Variants in USP8 observed in about 807,000 individuals in gnomAD.
USP8 encodes ubiquitin specific peptidase 8.
In USP8, 27 loss-of-function variants were observed where a neutral mutation model predicts 130.0. That is an observed-to-expected ratio of 0.21 (90% confidence interval 0.15 to 0.29). The LOEUF is 0.29. Ranked by LOEUF, USP8 falls within the 10% of genes least tolerant of loss-of-function variation. The pLI, the probability that USP8 is intolerant of heterozygous loss-of-function variation, is 1.00. For missense variants in USP8, 1,029 were observed against 1,312.2 expected, an observed-to-expected ratio of 0.78 and a Z score of 3.33; for synonymous variants, 392 against 444.1, an observed-to-expected ratio of 0.88 and a Z score of 1.48.
intron 10 of USP8, among the ~76,000 whole-genome samples, chr15:50,478,442 A>G (rs1278243212): frequency 6.6e-6 from 1 of 152,070 alleles, no homozygotes; most frequent in Non-Finnish European, 1.5e-5. Context: ...ACAGTATTTC[A>G]CATTTAAAGT....
rs141987890 is a variant in USP8, at chr15:50,476,404, T to G, written c.850-445T>G. Among the ~76,000 whole-genome samples the G allele has an allele frequency of 3.5e-3, 528 of 152,304 alleles. 5 individuals are homozygous for G. The highest frequency in any genetic ancestry group is 0.012 in the African/African-American group (492 of 41,560). On this transcript the variant is annotated intron_variant, in intron 8 of 19. Coordinates refer to ENST00000307179, the MANE Select transcript of USP8 (RefSeq NM_005154.5). The stretch of plus-strand genomic sequence containing the variant: ...GTGATTATGCCGTTGCATTCCAACT[T>G]GGGTGATAGAGTGAGACCTTGTCAA...
At chr15:50,495,259 TAC>T (rs2052337670) in intron 16 of USP8, among the ~76,000 whole-genome samples, 1 of 52,714 alleles carries the variant, frequency 1.9e-5, no homozygotes. Context: ...TATATATACA[TAC>T]ATATATACAC....
At chr15:50,445,330 G>C (rs939090978) in intron 3 of USP8, among the ~76,000 whole-genome samples, 2 of 148,802 alleles carry the variant, frequency 1.3e-5, no homozygotes, top group African/African-American at 4.9e-5. Flanking sequence ...TGGATCACTT[G>C]CGGTCAGGAG....
At position 50,481,462 on chromosome 15, in the gene USP8, T is replaced by C; in HGVS notation, c.1219-19T>C. ...CTGATTTTTGACAAAAATGTTTTGC[T>C]CTGGTTTTGTTGCTCTAGATTGATC... On this transcript the variant is annotated intron_variant, in intron 10 of 19. Transcript: ENST00000307179. The C allele has an allele frequency of 1.3e-6, 2 of 1,497,284 alleles. No homozygotes were observed. The highest frequency in any genetic ancestry group is 2.5e-5 in the Admixed American group (1 of 40,566). 92.7% of individuals were successfully genotyped at this position (1,497,284 alleles called of 1,614,324 possible). A position where few individuals can be genotyped will look rare whatever the true frequency, so the allele number is the denominator to read the frequency against.
chr15:50,447,877 A>G (rs2050494925), intron 3 of USP8, among the ~76,000 whole-genome samples: 1 of 151,586 alleles, frequency 6.6e-6, no homozygotes, highest in South Asian at 2.1e-4. Context: ...AGCTGGGATT[A>G]CAGGCGTGAG....
rs778045882 is a variant in USP8 at position 50,497,192 on chromosome 15, T to C, written c.2999T>C (p.Ile1000Thr). The change falls in exon 18 of 20, where the codon ATC becomes ACC. Residue 1000 changes from isoleucine to threonine, a missense_variant. This residue lies in a region of USP8 where 257 missense variants were observed against 429.8 expected (regional missense o/e 0.60). Transcript: ENST00000307179. ...CGGGATTCTCTAAAAAAGATAGAAATCTGGAAGTTACCACCTGTGCTTTTA... is the reference window on the plus strand; with the variant it reads ...CGGGATTCTCTAAAAAAGATAGAAACCTGGAAGTTACCACCTGTGCTTTTA... ...ARRDSLKKIE[I>T]WKLPPVLLVH... 1 of 1,610,978 alleles carries C rather than the reference T, an allele frequency of 6.2e-7. No homozygotes were observed.
intron 4 of USP8, among the ~76,000 whole-genome samples, chr15:50,453,438 T>A (rs2050687306): frequency 6.6e-6 from 1 of 152,240 alleles, no homozygotes; most frequent in East Asian, 1.9e-4. Context: ...AATTTCCACA[T>A]ATGTGGGATT....
Position 50,490,320 on chromosome 15 carries a change from C to G in USP8, c.2029C>G (p.His677Asp), listed in dbSNP as rs2141317390. 1 of 1,613,634 alleles carries G rather than the reference C, an allele frequency of 6.2e-7. No individual in the cohort carries two copies. Among genetic ancestry groups the G allele is most frequent in the Non-Finnish European group, 8.5e-7 (1 of 1,179,926 alleles). The change falls in exon 14 of 20, where the codon CAT (histidine) becomes GAT (aspartate). Residue 677 changes from histidine to aspartate, a missense_variant. His to Asp is a moderately conservative substitution (Grantham distance 81). This residue lies in a region of USP8 where 486 missense variants were observed against 522.0 expected (regional missense o/e 0.93). Coordinates refer to ENST00000307179, the MANE Select transcript of USP8 (RefSeq NM_005154.5). ...RYYHSPTNTV[H>D]MYPPEMAPSS... ...TTATCATTCACCCACCAACACTGTT[C>G]ATATGTACCCACCGGAAATGGCTCC...
At chr15:50,438,378 G>GT (rs2050150183) in intron 1 of USP8, among the ~76,000 whole-genome samples, 1 of 152,230 alleles carries the variant, frequency 6.6e-6, no homozygotes, top group Admixed American at 6.5e-5. Context: ...AAGGCCAGGA[G>GT]TTTGAGACCA....
rs376460164 is a variant in USP8 at position 50,496,612 on chromosome 15, G to T, written c.2896-477G>T. ...ATACCTTTATTAAATATTCTTTCAG[G>T]ATTTCAGGATTGTTAGTATGTTTTT... On this transcript the variant is annotated intron_variant, in intron 17 of 19. Coordinates refer to ENST00000307179, the MANE Select transcript of USP8 (RefSeq NM_005154.5). Among the ~76,000 whole-genome samples the T allele has an allele frequency of 4.6e-5, 7 of 151,896 alleles. No individual in the cohort carries two copies. In the East Asian group the frequency reaches 7.7e-4, roughly 17 times the overall value.
intron 4 of USP8, among the ~76,000 whole-genome samples, chr15:50,456,542 C>T (rs1307368202): frequency 6.7e-6 from 1 of 149,886 alleles, no homozygotes; most frequent in Non-Finnish European, 1.5e-5. Flanking sequence ...CCACTGCTCT[C>T]CAGCCCAGGT....
In USP8 at chr15:50,508,610, T is replaced by G. The variant is rs757200628; in HGVS notation, c.*9522T>G. ...ACCCTAAAAGAGTAGAGGGAAGAGA[T>G]AACACTGTAAGAGGAATAACCCATA... On this transcript the variant is annotated 3_prime_UTR_variant, in exon 20 of 20. Transcript: ENST00000307179. The G allele has an allele frequency of 6.6e-6, 1 of 152,042 alleles. No individual in the cohort carries two copies. Among genetic ancestry groups the G allele is most frequent in the African/African-American group, 2.4e-5 (1 of 41,404 alleles). 9.4% of individuals were successfully genotyped at this position (152,042 alleles called of 1,614,324 possible). A position where few individuals can be genotyped will look rare whatever the true frequency, so the allele number is the denominator to read the frequency against.
rs1421376179 is a variant in USP8, at chr15:50,508,208, A to T, written c.*9120A>T. ...GGAAATTAAAAAAACACTTCTAAGT[A>T]ACTTTATAAATAAATTATAAAAGTA... On this transcript the variant is annotated 3_prime_UTR_variant, in exon 20 of 20. Transcript: ENST00000307179. 3.3e-5 allele frequency: 5 copies of T among 152,180 alleles called. No individual in the cohort carries two copies. Among genetic ancestry groups the T allele is most frequent in the African/African-American group, 1.2e-4 (5 of 41,452 alleles). 9.4% of individuals were successfully genotyped at this position (152,180 alleles called of 1,614,324 possible).
chr15:50,467,959 G>GA (rs964054823), intron 7 of USP8, among the ~76,000 whole-genome samples: 5 of 151,408 alleles, frequency 3.3e-5, no homozygotes, highest in Non-Finnish European at 7.4e-5. Context: ...TTTTGAGACA[G>GA]AGTCTTGCTC....
At chr15:50,440,599 T>C (rs1486811342) in intron 2 of USP8, among the ~76,000 whole-genome samples, 2 of 152,198 alleles carry the variant, frequency 1.3e-5, no homozygotes, top group Admixed American at 1.3e-4. Context: ...TAACTCACCA[T>C]AATGTAGAAC....
intron 5 of USP8, 41 bp downstream of exon 5, chr15:50,459,203 C>A (rs763464982): frequency 1.9e-6 from 3 of 1,568,098 alleles, no homozygotes; most frequent in Non-Finnish European, 2.6e-6. Flanking sequence ...ACTGTTTCTG[C>A]TTGTTAGATG....
intron 8 of USP8, among the ~76,000 whole-genome samples, chr15:50,472,621 C>G (rs2051419125): frequency 7.0e-6 from 1 of 143,868 alleles, no homozygotes; most frequent in African/African-American, 2.6e-5. Flanking sequence ...AAAAATATTG[C>G]AAGGCAGGGC....
chr15:50,501,278 A>G lies in USP8; in HGVS notation c.*2190A>G, dbSNP rs2141337544. ...AGTTCAAGACCAGCCTGGGCAAAAT[A>G]GCGAGACTCCATATCTTTTAAAGGA... On this transcript the variant is annotated 3_prime_UTR_variant, in exon 20 of 20. Coordinates refer to ENST00000307179, the MANE Select transcript of USP8 (RefSeq NM_005154.5). 6.6e-6 allele frequency: 1 copy of G among 151,776 alleles called. No individual in the cohort carries two copies. Among genetic ancestry groups the G allele is most frequent in the East Asian group, 1.9e-4 (1 of 5,162 alleles). The allele number at this position is 151,776 out of a possible 1,614,324, so 9.4% of individuals were successfully genotyped here. A position where few individuals can be genotyped will look rare whatever the true frequency, so the allele number is the denominator to read the frequency against.
chr15:50,491,434 A>G (rs1225913384), intron 14 of USP8, among the ~76,000 whole-genome samples: 1 of 152,204 alleles, frequency 6.6e-6, no homozygotes, highest in African/African-American at 2.4e-5. Flanking sequence ...GTTCATTATA[A>G]TAACTAGTGA....
Sources: allele counts gnomAD v4.1 joint callset (sites outside exome capture counted in the v4.1 genomes callset), GRCh38; gene constraint gnomAD v4.1.1; regional missense constraint gnomAD v4.1.1; transcripts MANE v1.5; gene names NCBI Gene and HGNC (gene_info 2026-07-23, HGNC 2026-07-21).